The following EMILIN3 variants were observed in gnomAD, a reference collection of about 807,000 sequenced individuals.
EMILIN3 encodes the protein elastin microfibril interfacer 3.
EMILIN3 carries 38 observed loss-of-function variants against 42.8 expected under a neutral mutation model. The observed-to-expected ratio is 0.89, with a 90% confidence interval of 0.69 to 1.16. EMILIN3 has a LOEUF of 1.16. Among genes scored for constraint, EMILIN3 ranks in the 50% most tolerant of loss-of-function variants. EMILIN3 has a pLI of 0.00. For missense variants in EMILIN3, 924 were observed against 999.5 expected, an observed-to-expected ratio of 0.92 and a Z score of 1.02; for synonymous variants, 430 against 440.5, an observed-to-expected ratio of 0.98 and a Z score of 0.30.
rs1461789884 is a variant in EMILIN3, at chr20:41,366,116, C to T, written c.167+352G>A. Among the ~76,000 whole-genome samples, 1 of 152,146 alleles carries T rather than the reference C, an allele frequency of 6.6e-6. No homozygotes were observed. Among genetic ancestry groups the T allele is most frequent in the East Asian group, 1.9e-4 (1 of 5,168 alleles). ...CCGGGGCGGGGGAGCCCCGCGTGCT[C>T]AGCGCGCGGACCGCCTTTCCTCCTC... On this transcript the variant is annotated intron_variant, in intron 1 of 3. Transcript: ENST00000332312. The surrounding 1 kb of genome is among the most constrained non-coding windows in gnomAD (Gnocchi z 4.2).
chr20:41,361,808 G>A lies in EMILIN3; in HGVS notation c.1761C>T (p.Leu587=), dbSNP rs149625251. The A allele has an allele frequency of 5.6e-6, 9 of 1,613,460 alleles. No individual in the cohort carries two copies. Among genetic ancestry groups the A allele is most frequent in the Non-Finnish European group, 7.6e-6 (9 of 1,180,050 alleles). The change falls in exon 4 of 4, where the codon CTC becomes CTT. Residue 587 remains leucine, a synonymous_variant. Coordinates refer to ENST00000332312, the MANE Select transcript of EMILIN3 (RefSeq NM_052846.2). ...GSSLQGEITL[L]KVNLNSVSKS... ...TGCTCACTGAGTTCAGATTGACCTT[G>A]AGCAGAGTGATCTCGCCTTGAAGTG...
Position 41,362,109 on chromosome 20 carries a change from T to G in EMILIN3, c.1460A>C (p.Glu487Ala), listed in dbSNP as rs757628809. The change falls in exon 4 of 4, where the codon GAG becomes GCG. Residue 487 changes from glutamate (E) to alanine (A), a missense_variant. Transcript: ENST00000332312. Reference sequence around the variant, plus strand: ...CGGAGAGGCGCTGTCATGGCTTAGCTCCCCAGCCAATGTTGCTAGGCGCTC... The same window carrying G: ...CGGAGAGGCGCTGTCATGGCTTAGCGCCCCAGCCAATGTTGCTAGGCGCTC... ...LEERLATLAGELSHDSASPGR... is the reference protein window; with the variant it reads ...LEERLATLAGALSHDSASPGR... The G allele has an allele frequency of 6.2e-7, 1 of 1,605,614 alleles. No individual in the cohort carries two copies. The highest frequency in any genetic ancestry group is 8.5e-7 in the Non-Finnish European group (1 of 1,173,822).
chr20:41,361,793 G>A lies in EMILIN3; in HGVS notation c.1776C>T (p.Asn592=), dbSNP rs1311696474. 8 of 1,613,542 alleles carry A rather than the reference G, an allele frequency of 5.0e-6. No individual in the cohort carries two copies. The African/African-American group carries it at 8.0e-5, about 16-fold the overall frequency. Residue 592 remains asparagine (N), a synonymous_variant, in exon 4 of 4, where the codon AAC becomes AAT. Transcript: ENST00000332312. ...GGCCTGTGAGCGACTTGCTCACTGA[G>A]TTCAGATTGACCTTGAGCAGAGTGA... ...GEITLLKVNL[N]SVSKSLTGLS...
rs761991501 is a variant in EMILIN3 at position 41,365,070 on chromosome 20, C to T, written c.255G>A (p.Gln85=). Residue 85 remains glutamine, a synonymous_variant, in exon 2 of 4, where the codon CAG becomes CAA. Transcript: ENST00000332312. ...CGGGGCACTTGGGCCCCCATCTACA[C>T]TGCCGGTATTCAGCCTTTACGTAGC... ...AESYVKAEYR[Q]CRWGPKCPGT... 6.2e-7 allele frequency: 1 copy of T among 1,614,072 alleles called. No homozygotes were observed. Among genetic ancestry groups the T allele is most frequent in the Non-Finnish European group, 8.5e-7 (1 of 1,179,956 alleles).
Position 41,361,320 on chromosome 20 carries a change from A to C in EMILIN3, c.2249T>G (p.Leu750Arg), listed in dbSNP as rs1348399445. 4.4e-6 allele frequency: 7 copies of C among 1,608,680 alleles called. No individual in the cohort carries two copies. Among genetic ancestry groups the C allele is most frequent in the Non-Finnish European group, 4.3e-6 (5 of 1,176,280 alleles). ...QDIARLRDDL[L>R]DCQAQLAEQV... ...CTCAGCCAGCTGGGCCTGGCAGTCC[A>C]GTAGGTCATCCCGGAGGCGGGCAAT... Residue 750 changes from leucine to arginine, a missense_variant, in exon 4 of 4, where the codon CTG becomes CGG. Leu to Arg is a moderately radical substitution (Grantham distance 102). Coordinates refer to ENST00000332312, the MANE Select transcript of EMILIN3 (RefSeq NM_052846.2).
At position 41,365,157 on chromosome 20, in the gene EMILIN3, C is replaced by T; in HGVS notation, c.168G>A (p.Lys56=). ...WRPRLRPGPH[K]ALCAYVVHRN... is the part of the protein sequence containing the mutation. Reference sequence around the variant, plus strand: ...TGTGCACCACATAGGCACAGAGGGCCCTACAGGAGAAAATGGCACCCCTGG... The same window carrying T: ...TGTGCACCACATAGGCACAGAGGGCTCTACAGGAGAAAATGGCACCCCTGG... The change falls in exon 2 of 4, where the codon AAG becomes AAA. Residue 56 remains lysine (K), a splice_region_variant and synonymous_variant. Transcript: ENST00000332312. 1.9e-6 allele frequency: 3 copies of T among 1,613,558 alleles called. No homozygotes were observed. The highest frequency in any genetic ancestry group is 2.2e-5 in the South Asian group (2 of 91,052).
rs1394733482 is a variant in EMILIN3, at chr20:41,366,096, G to T, written c.167+372C>A. Among the ~76,000 whole-genome samples, 2 of 152,182 alleles carry T rather than the reference G, an allele frequency of 1.3e-5. No individual in the cohort carries two copies. Among genetic ancestry groups the T allele is most frequent in the African/African-American group, 4.8e-5 (2 of 41,464 alleles). ...CCAGGGGAGAGAAGGGAGGCCCGGG[G>T]CGGGGGAGCCCCGCGTGCTCAGCGC... On this transcript the variant is annotated intron_variant, in intron 1 of 3. Transcript: ENST00000332312. This position sits in a 1 kb window ranked among gnomAD's most constrained non-coding sequence, Gnocchi z 4.2.
At chr20:41,363,609 C>T in intron 3 of EMILIN3, 29 bp downstream of exon 3, 2 of 1,579,220 alleles carry the variant, frequency 1.3e-6, no homozygotes, top group Non-Finnish European at 1.7e-6. Context: ...AACCCAATCA[C>T]CTTGGAGGGT....
chr20:41,366,607 GCCAGACGA>G lies in EMILIN3; in HGVS notation c.20_27del (p.Leu7ProfsTer73). On this transcript the variant is annotated frameshift_variant, in exon 1 of 4. Coordinates refer to ENST00000332312, the MANE Select transcript of EMILIN3 (RefSeq NM_052846.2). LOFTEE classifies it high-confidence loss of function. This position sits in a 1 kb window ranked among gnomAD's most constrained non-coding sequence, Gnocchi z 4.2. ...GAGAGCAGCGCCGCGACGGCGCACA[GCCAGACGA>G]GCAGGCGGCGGCGGCCCATAGCGGC... is the stretch of plus-strand genomic sequence containing the variant. 1 of 1,086,032 alleles carries G rather than the reference GCCAGACGA, an allele frequency of 9.2e-7. No individual in the cohort carries two copies. Among genetic ancestry groups the G allele is most frequent in the East Asian group, 5.7e-5 (1 of 17,666 alleles). The allele number at this position is 1,086,032 out of a possible 1,614,324, so 67.3% of individuals were successfully genotyped here.
Position 41,362,959 on chromosome 20 carries a change from C to A in EMILIN3, c.610G>T (p.Val204Leu). The A allele has an allele frequency of 1.2e-6, 2 of 1,613,482 alleles. No individual in the cohort carries two copies. Among genetic ancestry groups the A allele is most frequent in the Middle Eastern group, 3.3e-4 (2 of 6,060 alleles). ...CTGTTGGGATCCTCGTGGCTAGCCA[C>A]CAGGCCACTGAGGGTACCATATGTT... ...AQTYGTLSGL[V>L]ASHEDPNRMT... Residue 204 changes from valine to leucine, a missense_variant, in exon 4 of 4, where the codon GTG becomes TTG. Physicochemically the swap from Val to Leu is conservative, Grantham distance 32. Transcript: ENST00000332312.
At position 41,360,213 on chromosome 20, in the gene EMILIN3, C is replaced by G. The variant is rs886579026; in HGVS notation, c.*1055G>C. 1 of 152,506 alleles carries G rather than the reference C, an allele frequency of 6.6e-6. No homozygotes were observed. Among genetic ancestry groups the G allele is most frequent in the Non-Finnish European group, 1.5e-5 (1 of 68,044 alleles). 9.4% of individuals were successfully genotyped at this position (152,506 alleles called of 1,614,324 possible). A position where few individuals can be genotyped will look rare whatever the true frequency, so the allele number is the denominator to read the frequency against. ...AAGTTGTCCATTGATGGTTTCGTACCTGAATTTCTCACCTTTTGTGAACAT... is the reference window on the plus strand; with the variant it reads ...AAGTTGTCCATTGATGGTTTCGTACGTGAATTTCTCACCTTTTGTGAACAT... On this transcript the variant is annotated 3_prime_UTR_variant, in exon 4 of 4. Coordinates refer to ENST00000332312, the MANE Select transcript of EMILIN3 (RefSeq NM_052846.2).
In EMILIN3 at chr20:41,366,586, G is replaced by C. The variant is rs2046395626; in HGVS notation, c.49C>G (p.Leu17Val). The change falls in exon 1 of 4, where the codon CTC becomes GTC. Residue 17 changes from leucine to valine, a missense_variant. Coordinates refer to ENST00000332312, the MANE Select transcript of EMILIN3 (RefSeq NM_052846.2). This position sits in a 1 kb window ranked among gnomAD's most constrained non-coding sequence, Gnocchi z 4.2. ...LVWLCAVAAL[L>V]SGAQARGTPL... ...GTGCCCCTGGCCTGCGCCCCCGAGA[G>C]CAGCGCCGCGACGGCGCACAGCCAG... The C allele has an allele frequency of 9.0e-7, 1 of 1,108,566 alleles. No homozygotes were observed. Among genetic ancestry groups the C allele is most frequent in the Non-Finnish European group, 1.1e-6 (1 of 910,618 alleles). 68.7% of individuals were successfully genotyped at this position (1,108,566 alleles called of 1,614,324 possible).
Position 41,363,077 on chromosome 20 carries a change from AG to A in EMILIN3, c.515-24del, listed in dbSNP as rs772018099. Reference sequence around the variant, plus strand: ...TTCCTGGGAAAGAGAAGAGAGCCCCAGGGGCATCACTGGCCTCACCCTCTCA... The same window carrying A: ...TTCCTGGGAAAGAGAAGAGAGCCCCAGGGCATCACTGGCCTCACCCTCTCA... On this transcript the variant is annotated intron_variant, in intron 3 of 3. Coordinates refer to ENST00000332312, the MANE Select transcript of EMILIN3 (RefSeq NM_052846.2). 95 of 1,518,078 alleles carry A rather than the reference AG, an allele frequency of 6.3e-5. No individual in the cohort carries two copies. The African/African-American group carries it at 1.2e-3, about 19-fold the overall frequency. The allele number at this position is 1,518,078 out of a possible 1,614,324, so 94.0% of individuals were successfully genotyped here.
Position 41,362,108 on chromosome 20 carries a change from C to T in EMILIN3, c.1461G>A (p.Glu487=). Residue 487 remains glutamate, a synonymous_variant, in exon 4 of 4, where the codon GAG becomes GAA. Transcript: ENST00000332312. ...LEERLATLAG[E]LSHDSASPGR... ...CCGGAGAGGCGCTGTCATGGCTTAG[C>T]TCCCCAGCCAATGTTGCTAGGCGCT... 2 of 1,605,952 alleles carry T rather than the reference C, an allele frequency of 1.2e-6. No individual in the cohort carries two copies. The highest frequency in any genetic ancestry group is 8.5e-7 in the Non-Finnish European group (1 of 1,173,862).
At chr20:41,363,940 C>A in intron 2 of EMILIN3, 79 bp from the exon 3 acceptor site, 1 of 1,388,808 alleles carries the variant, frequency 7.2e-7, no homozygotes, top group East Asian at 2.3e-5. Context: ...TCAGGGCCGC[C>A]CTCAGACACT....
Position 41,362,549 on chromosome 20 carries a change from T to C in EMILIN3, c.1020A>G (p.Gln340=), listed in dbSNP as rs745992425. ...GGCTGGCGGCCTGACCCTCCTCACA[T>C]TGCCGCCGTACCTCCTGCACCCGCA... ...CDLRVQEVRR[Q]CEEGQAASRR... The change falls in exon 4 of 4, where the codon CAA becomes CAG. Residue 340 remains glutamine, a synonymous_variant. Transcript: ENST00000332312. 2.1e-5 allele frequency: 34 copies of C among 1,599,018 alleles called. No homozygotes were observed. In the East Asian group the frequency reaches 6.7e-4, roughly 31 times the overall value.
Position 41,366,350 on chromosome 20 carries a change from T to G in EMILIN3, c.167+118A>C. ...TCGGCCCCGGGCGCCGCCCCCTCTG[T>G]GCAGCGGCCTCGGGGTGCCCGGGGC... On this transcript the variant is annotated intron_variant, in intron 1 of 3. Transcript: ENST00000332312. This position sits in a 1 kb window ranked among gnomAD's most constrained non-coding sequence, Gnocchi z 4.2. The G allele has an allele frequency of 4.0e-6, 3 of 742,018 alleles. No individual in the cohort carries two copies. Among genetic ancestry groups the G allele is most frequent in the Non-Finnish European group, 5.1e-6 (3 of 589,778 alleles). 46.0% of individuals were successfully genotyped at this position (742,018 alleles called of 1,614,324 possible).
In EMILIN3 at chr20:41,366,334, G is replaced by A. The variant is rs781264340; in HGVS notation, c.167+134C>T. 141 of 630,352 alleles carry A rather than the reference G, an allele frequency of 2.2e-4. No individual in the cohort carries two copies. Among genetic ancestry groups the A allele is most frequent in the Non-Finnish European group, 2.7e-4 (130 of 487,954 alleles). 39.0% of individuals were successfully genotyped at this position (630,352 alleles called of 1,614,324 possible). A position where few individuals can be genotyped will look rare whatever the true frequency, so the allele number is the denominator to read the frequency against. On this transcript the variant is annotated intron_variant, in intron 1 of 3. Coordinates refer to ENST00000332312, the MANE Select transcript of EMILIN3 (RefSeq NM_052846.2). The surrounding 1 kb of genome is among the most constrained non-coding windows in gnomAD (Gnocchi z 4.2). ...TCGCCTGGGCAGGGGCTCGGCCCCGGGCGCCGCCCCCTCTGTGCAGCGGCC... is the reference window on the plus strand; with the variant it reads ...TCGCCTGGGCAGGGGCTCGGCCCCGAGCGCCGCCCCCTCTGTGCAGCGGCC...
chr20:41,363,374 C>T (rs1471575753), intron 3 of EMILIN3, among the ~76,000 whole-genome samples: 1 of 152,180 alleles, frequency 6.6e-6, no homozygotes, highest in Non-Finnish European at 1.5e-5. Flanking sequence ...ATCTCCTAAC[C>T]TCGTGATCCA....
Sources: allele counts gnomAD v4.1 joint callset (sites outside exome capture counted in the v4.1 genomes callset), GRCh38; gene constraint gnomAD v4.1.1; non-coding constraint Gnocchi (gnomAD v3.1); transcripts MANE v1.5; gene names NCBI Gene and HGNC (gene_info 2026-07-23, HGNC 2026-07-21).